The following TMEM266 variants were observed in gnomAD, a reference collection of about 807,000 sequenced individuals.
TMEM266 encodes Hv1 related protein 1.
TMEM266 carries 33 observed loss-of-function variants against 50.5 expected under a neutral mutation model. The ratio of observed to expected loss-of-function variants is 0.65; its 90% CI spans 0.50 to 0.87. TMEM266 has a LOEUF of 0.87. Among genes scored for constraint, TMEM266 ranks in the 40% least tolerant of loss-of-function variants. TMEM266 has a pLI of 0.00. For missense variants in TMEM266, 655 were observed against 695.1 expected (o/e 0.94, Z 0.65); for synonymous variants, 310 against 292.3 (o/e 1.06, Z -0.62).
chr15:76,123,544 G>T (rs2037374488), intron 1 of TMEM266, among the ~76,000 whole-genome samples: 1 of 152,090 alleles, frequency 6.6e-6, no homozygotes, highest in Non-Finnish European at 1.5e-5. Flanking sequence ...TCTTGTTTAG[G>T]GACCCAGAAA....
At chr15:76,088,922 C>T (rs1410595427) in intron 1 of TMEM266, among the ~76,000 whole-genome samples, 2 of 151,336 alleles carry the variant, frequency 1.3e-5, no homozygotes, top group African/African-American at 2.4e-5. Context: ...GGTGAAACCC[C>T]GTCTCTACTA....
At chr15:76,145,758 C>A (rs991141254) in intron 3 of TMEM266, among the ~76,000 whole-genome samples, 4 of 152,238 alleles carry the variant, frequency 2.6e-5, no homozygotes, top group Non-Finnish European at 5.9e-5. Flanking sequence ...TTTGGGAAAG[C>A]TCTGCCTTCT....
chr15:76,069,213 G>T (rs1435511248), intron 1 of TMEM266, among the ~76,000 whole-genome samples: 4 of 152,170 alleles, frequency 2.6e-5, no homozygotes, highest in Non-Finnish European at 5.9e-5. Flanking sequence ...TCTGGAAATT[G>T]TAAGTCTAGT....
chr15:76,073,509 A>G (rs1411914553), intron 1 of TMEM266, among the ~76,000 whole-genome samples: 2 of 152,254 alleles, frequency 1.3e-5, no homozygotes, highest in Admixed American at 1.3e-4. Flanking sequence ...CTGGGATTAC[A>G]GGTGTGAGCC....
chr15:76,157,123 A>G (rs2037939465), intron 4 of TMEM266, among the ~76,000 whole-genome samples: 1 of 152,274 alleles, frequency 6.6e-6, no homozygotes, highest in Admixed American at 6.5e-5. Flanking sequence ...GTCTAAAGAG[A>G]GTTCCCATTT....
chr15:76,140,958 G>A (rs1265645679), intron 3 of TMEM266, among the ~76,000 whole-genome samples: 1 of 152,088 alleles, frequency 6.6e-6, no homozygotes, highest in East Asian at 1.9e-4. Context: ...GATCACTTGA[G>A]CCCAGGAGGT....
intron 6 of TMEM266, 149 bp downstream of exon 6, chr15:76,170,021 C>A: frequency 1.4e-5 from 10 of 708,260 alleles, no homozygotes; most frequent in African/African-American, 1.8e-5. Context: ...TTGGGTGGGG[C>A]AGGGAGGGGG....
chr15:76,108,794 C>G (rs1004616502), intron 1 of TMEM266, among the ~76,000 whole-genome samples: 23 of 152,164 alleles, frequency 1.5e-4, no homozygotes, highest in Admixed American at 9.8e-4. Context: ...TCCCTGTACA[C>G]AATGTTACAT....
chr15:76,106,269 G>A (rs1246578204), intron 1 of TMEM266, among the ~76,000 whole-genome samples: 8 of 152,138 alleles, frequency 5.3e-5, no homozygotes, highest in African/African-American at 1.7e-4. Context: ...CACTGGGAAT[G>A]CCCTCTCCCT....
intron 1 of TMEM266, among the ~76,000 whole-genome samples, chr15:76,067,650 GAA>G (rs1391978032): frequency 1.1e-4 from 1 of 8,932 alleles, no homozygotes; most frequent in African/African-American, 2.5e-4. Context: ...AAAAAAAAAA[GAA>G]AAGAAAAGAA....
chr15:76,119,391 C>CAAAA (rs57532855), intron 1 of TMEM266, among the ~76,000 whole-genome samples: 4 of 109,726 alleles, frequency 3.6e-5, no homozygotes, highest in African/African-American at 9.8e-5. Flanking sequence ...GGGTTTATGG[C>CAAAA]AAAAAAAAAA....
intron 1 of TMEM266, among the ~76,000 whole-genome samples, chr15:76,085,312 T>C (rs1186022078): frequency 1.2e-4 from 17 of 146,606 alleles, no homozygotes; most frequent in Non-Finnish European, 1.4e-4. Flanking sequence ...GGCTGTAGTG[T>C]AGTAGTGTGA....
At chr15:76,194,760 T>C (rs551377635) in intron 9 of TMEM266, among the ~76,000 whole-genome samples, 159 of 152,324 alleles carry the variant, frequency 1.0e-3, no homozygotes, top group African/African-American at 3.6e-3. Flanking sequence ...TCTATGCACA[T>C]GTCTGGGTCT....
chr15:76,160,654 A>T lies in TMEM266; in HGVS notation c.456+486A>T, dbSNP rs931068634. On this transcript the variant is annotated intron_variant, in intron 5 of 10. Coordinates refer to ENST00000388942, the MANE Select transcript of TMEM266 (RefSeq NM_152335.3). This position sits in a 1 kb window ranked among gnomAD's most constrained non-coding sequence, Gnocchi z 5.7. Reference sequence around the variant, plus strand: ...ACGGGGTCACAGGGCCAGGCAGTGGACCTGACCTGGTCCTGCAGGGGCCCT... The same window carrying T: ...ACGGGGTCACAGGGCCAGGCAGTGGTCCTGACCTGGTCCTGCAGGGGCCCT... 6.6e-6 allele frequency among the ~76,000 whole-genome samples: 1 copy of T among 152,098 alleles called. No homozygotes were observed. Among genetic ancestry groups the T allele is most frequent in the African/African-American group, 2.4e-5 (1 of 41,414 alleles).
intron 1 of TMEM266, among the ~76,000 whole-genome samples, chr15:76,123,002 A>G (rs746983903): frequency 1.3e-5 from 2 of 152,228 alleles, no homozygotes; most frequent in South Asian, 4.1e-4. Context: ...TGTGTTTCCC[A>G]TGCTGCATGA....
chr15:76,133,429 T>G (rs2142028897), intron 1 of TMEM266, among the ~76,000 whole-genome samples: 1 of 144,172 alleles, frequency 6.9e-6, no homozygotes, highest in African/African-American at 2.8e-5. Context: ...AGAGTGAAAC[T>G]CCATCTAAAA....
At chr15:76,189,284 G>A (rs578137449) in intron 8 of TMEM266, among the ~76,000 whole-genome samples, 2 of 145,140 alleles carry the variant, frequency 1.4e-5, no homozygotes, top group Admixed American at 6.7e-5. Context: ...GAGGAAGGAA[G>A]GGTAGGTCTC....
chr15:76,082,155 A>G (rs2036703814), intron 1 of TMEM266, among the ~76,000 whole-genome samples: 1 of 152,146 alleles, frequency 6.6e-6, no homozygotes, highest in Non-Finnish European at 1.5e-5. Flanking sequence ...CAAAATACAT[A>G]TAGTCTCTTT....
rs1485432125 is a variant in TMEM266 at position 76,204,429 on chromosome 15, CAG to C, written c.*115_*116del. The C allele has an allele frequency of 1.2e-5, 12 of 1,032,514 alleles. No homozygotes were observed. The highest frequency in any genetic ancestry group is 2.8e-5 in the Admixed American group (1 of 35,874). 64.0% of individuals were successfully genotyped at this position (1,032,514 alleles called of 1,614,324 possible). A position where few individuals can be genotyped will look rare whatever the true frequency, so the allele number is the denominator to read the frequency against. On this transcript the variant is annotated 3_prime_UTR_variant, in exon 11 of 11. Coordinates refer to ENST00000388942, the MANE Select transcript of TMEM266 (RefSeq NM_152335.3). ...GCCCAGGAGCCCACCTGGCCTCCCTCAGGGTGCTGCCTGCCTCCAGGGAGGCG... is the reference window on the plus strand; with the variant it reads ...GCCCAGGAGCCCACCTGGCCTCCCTCGGTGCTGCCTGCCTCCAGGGAGGCG...
Sources: gnomAD v4.1 joint callset for allele counts (sites outside exome capture counted in the v4.1 genomes callset) on GRCh38, gnomAD v4.1.1 for gene constraint, Gnocchi (gnomAD v3.1) non-coding constraint, MANE v1.5 for transcripts, NCBI Gene and HGNC (gene_info 2026-07-23, HGNC 2026-07-21) for gene names.